The following HRH2 variants were observed in gnomAD, a reference collection of about 807,000 sequenced individuals.
HRH2 encodes histamine H2 receptor.
HRH2 carries 4 observed loss-of-function variants against 20.1 expected under a neutral mutation model. The observed-to-expected ratio is 0.20, with a 90% confidence interval of 0.10 to 0.45. The LOEUF (loss-of-function observed/expected upper bound fraction) is 0.45. Among genes scored for constraint, HRH2 ranks in the 20% least tolerant of loss-of-function variants. The pLI is 0.99. For synonymous variants in HRH2, 197 were observed against 200.7 expected, an observed-to-expected ratio of 0.98 and a Z score of 0.16; for missense variants, 250 against 461.6, an observed-to-expected ratio of 0.54 and a Z score of 4.20.
At chr5:175,692,291 A>AT (rs1376650088) in intron 2 of HRH2, among the ~76,000 whole-genome samples, 1 of 152,260 alleles carries the variant, frequency 6.6e-6, no homozygotes, top group Non-Finnish European at 1.5e-5. Context: ...TTTGAGCGGC[A>AT]TATCATTTTC....
At chr5:175,666,801 CT>C (rs1326687421) in intron 1 of HRH2, among the ~76,000 whole-genome samples, 2 of 152,112 alleles carry the variant, frequency 1.3e-5, no homozygotes, top group African/African-American at 4.8e-5. Context: ...ATACTGCCTT[CT>C]TCTAAAGACT....
At chr5:175,702,158 A>G (rs1756806447) in intron 2 of HRH2, among the ~76,000 whole-genome samples, 1 of 152,218 alleles carries the variant, frequency 6.6e-6, no homozygotes, top group South Asian at 2.1e-4. Context: ...ATGCATGTCA[A>G]AATGCCTCGG....
intron 1 of HRH2, among the ~76,000 whole-genome samples, chr5:175,662,990 G>T (rs879484536): frequency 3.9e-5 from 6 of 152,216 alleles, no homozygotes; most frequent in Admixed American, 1.3e-4. Flanking sequence ...GTTGTTGCAT[G>T]TATCAGCGCT....
At chr5:175,665,356 C>G (rs1225829441) in intron 1 of HRH2, among the ~76,000 whole-genome samples, 1 of 151,934 alleles carries the variant, frequency 6.6e-6, no homozygotes, top group African/African-American at 2.4e-5. Flanking sequence ...AGGTCCGGAC[C>G]CAGGATCTGG....
Position 175,710,689 on chromosome 5 carries a change from C to T in HRH2, c.*2718C>T, listed in dbSNP as rs1489920346. ...GGGTGCATGCTGCCTGGAGGAGGAACATCTGTGGTGGGACCCCAAATCCAT... is the reference window on the plus strand; with the variant it reads ...GGGTGCATGCTGCCTGGAGGAGGAATATCTGTGGTGGGACCCCAAATCCAT... On this transcript the variant is annotated 3_prime_UTR_variant, in exon 3 of 3. Transcript: ENST00000636584. The T allele has an allele frequency of 1.3e-5, 2 of 152,226 alleles. No homozygotes were observed. The highest frequency in any genetic ancestry group is 2.9e-5 in the Non-Finnish European group (2 of 68,042). The allele number at this position is 152,226 out of a possible 1,614,324, so 9.4% of individuals were successfully genotyped here. A position where few individuals can be genotyped will look rare whatever the true frequency, so the allele number is the denominator to read the frequency against.
Position 175,683,812 on chromosome 5 carries a change from C to A in HRH2, c.579C>A (p.Leu193=). Residue 193 remains leucine, a synonymous_variant, in exon 2 of 3, where the codon CTC becomes CTA. Coordinates refer to ENST00000636584, the MANE Select transcript of HRH2 (RefSeq NM_001367711.1). ...GLVDGLVTFY[L]PLLIMCITYY... ...TGGATGGGCTGGTCACCTTCTACCT[C>A]CCGCTACTGATCATGTGCATCACCT... 1 of 1,614,150 alleles carries A rather than the reference C, an allele frequency of 6.2e-7. No individual in the cohort carries two copies.
intron 2 of HRH2, among the ~76,000 whole-genome samples, chr5:175,698,411 C>T (rs1236837417): frequency 2.0e-5 from 3 of 152,202 alleles, no homozygotes; most frequent in African/African-American, 7.2e-5. Context: ...TGACCTGGGG[C>T]AGCTCTTACC....
chr5:175,698,031 C>T (rs1369672491), intron 2 of HRH2, among the ~76,000 whole-genome samples: 2 of 152,264 alleles, frequency 1.3e-5, no homozygotes, highest in East Asian at 1.9e-4. Context: ...ACAGGCAACA[C>T]ACCCATGCAC....
rs921426518 is a variant in HRH2 at position 175,708,224 on chromosome 5, G to A, written c.*253G>A. ...TGAATCCCATGGGTTCAAAGCTCAC[G>A]TTGGTGCTGGCCCTGGGAGTCATGA... On this transcript the variant is annotated 3_prime_UTR_variant, in exon 3 of 3. Coordinates refer to ENST00000636584, the MANE Select transcript of HRH2 (RefSeq NM_001367711.1). The A allele has an allele frequency of 4.3e-5, 15 of 345,702 alleles. No individual in the cohort carries two copies. The highest frequency in any genetic ancestry group is 3.1e-4 in the South Asian group (2 of 6,544). The allele number at this position is 345,702 out of a possible 1,614,324, so 21.4% of individuals were successfully genotyped here.
chr5:175,700,557 A>C (rs1187388120), intron 2 of HRH2, among the ~76,000 whole-genome samples: 1 of 152,176 alleles, frequency 6.6e-6, no homozygotes, highest in African/African-American at 2.4e-5. Flanking sequence ...CCTCAGAGAC[A>C]GCTGCCCAGA....
intron 2 of HRH2, among the ~76,000 whole-genome samples, chr5:175,699,168 C>T (rs1163256194): frequency 6.6e-6 from 1 of 152,142 alleles, no homozygotes; most frequent in Non-Finnish European, 1.5e-5. Flanking sequence ...GTCATTTGGG[C>T]ATATTGGGTA....
At position 175,687,013 on chromosome 5, in the gene HRH2, G is replaced by T. The variant is rs911021382; in HGVS notation, c.1076+2704G>T. 6.6e-6 allele frequency among the ~76,000 whole-genome samples: 1 copy of T among 152,120 alleles called. No homozygotes were observed. Among genetic ancestry groups the T allele is most frequent in the Admixed American group, 6.5e-5 (1 of 15,280 alleles). On this transcript the variant is annotated intron_variant, in intron 2 of 2. Transcript: ENST00000636584. This position sits in a 1 kb window ranked among gnomAD's most constrained non-coding sequence, Gnocchi z 5.2. ...AAACCAGGGCCAGCAGAGAGGTGGT[G>T]CCTCCCAGGGTCATGCATGCAGCCG... is the stretch of plus-strand genomic sequence containing the variant.
At chr5:175,666,246 G>A (rs951829785) in intron 1 of HRH2, among the ~76,000 whole-genome samples, 1 of 152,204 alleles carries the variant, frequency 6.6e-6, no homozygotes, top group Non-Finnish European at 1.5e-5. Context: ...TCCCCAGACT[G>A]TGTTCCTGGA....
At chr5:175,678,582 CA>C (rs1755839416) in intron 1 of HRH2, among the ~76,000 whole-genome samples, 3 of 152,250 alleles carry the variant, frequency 2.0e-5, no homozygotes, top group African/African-American at 4.8e-5. Context: ...TGACTCCTCA[CA>C]GTGTCCGTTC....
Position 175,683,809 on chromosome 5 carries a change from C to T in HRH2, c.576C>T (p.Tyr192=). 2.5e-6 allele frequency: 4 copies of T among 1,614,148 alleles called. No homozygotes were observed. Among genetic ancestry groups the T allele is most frequent in the Non-Finnish European group, 3.4e-6 (4 of 1,180,038 alleles). Residue 192 remains tyrosine (Y), a synonymous_variant, in exon 2 of 3, where the codon TAC becomes TAT. Transcript: ENST00000636584. ...YGLVDGLVTF[Y]LPLLIMCITY... is the part of the protein sequence containing the mutation. ...TGGTGGATGGGCTGGTCACCTTCTACCTCCCGCTACTGATCATGTGCATCA... is the reference window on the plus strand; with the variant it reads ...TGGTGGATGGGCTGGTCACCTTCTATCTCCCGCTACTGATCATGTGCATCA...
At chr5:175,666,991 C>A (rs938686688) in intron 1 of HRH2, among the ~76,000 whole-genome samples, 1 of 151,198 alleles carries the variant, frequency 6.6e-6, no homozygotes, top group African/African-American at 2.5e-5. Context: ...GTTTATTCTC[C>A]CAGGTTTTCT....
At position 175,683,462 on chromosome 5, in the gene HRH2, A is replaced by G. The variant is rs759240502; in HGVS notation, c.229A>G (p.Ile77Val). 5 of 1,614,158 alleles carry G rather than the reference A, an allele frequency of 3.1e-6. No individual in the cohort carries two copies. In the Admixed American group the frequency reaches 5.0e-5, roughly 16 times the overall value. Reference sequence around the variant, plus strand: ...CCTCCTGGTGCTGCCCTTCTCTGCCATCTACCAGCTGTCCTGCAAGTGGAG... The same window carrying G: ...CCTCCTGGTGCTGCCCTTCTCTGCCGTCTACCAGCTGTCCTGCAAGTGGAG... Reference protein sequence around the residue: ...LGLLVLPFSAIYQLSCKWSFG... With the variant: ...LGLLVLPFSAVYQLSCKWSFG... The change falls in exon 2 of 3, where the codon ATC (isoleucine) becomes GTC (valine). Residue 77 changes from isoleucine (I) to valine (V), a missense_variant. Coordinates refer to ENST00000636584, the MANE Select transcript of HRH2 (RefSeq NM_001367711.1).
chr5:175,703,704 A>G (rs1244779090), intron 2 of HRH2, among the ~76,000 whole-genome samples: 1 of 152,192 alleles, frequency 6.6e-6, no homozygotes, highest in Non-Finnish European at 1.5e-5. Context: ...AAGACTATGA[A>G]TAATAAAGGG....
chr5:175,704,315 A>C (rs1756875163), intron 2 of HRH2, among the ~76,000 whole-genome samples: 1 of 152,170 alleles, frequency 6.6e-6, no homozygotes, highest in Admixed American at 6.5e-5. Flanking sequence ...ACAGAAATAG[A>C]AGGTTGCTTT....
Sources: gnomAD v4.1 joint callset for allele counts (sites outside exome capture counted in the v4.1 genomes callset) on GRCh38, gnomAD v4.1.1 for gene constraint, Gnocchi (gnomAD v3.1) non-coding constraint, MANE v1.5 for transcripts, NCBI Gene and HGNC (gene_info 2026-07-23, HGNC 2026-07-21) for gene names.